Variants in PPP1R9B observed in about 807,000 individuals in gnomAD.
The protein encoded by PPP1R9B is neurabin-2.
Under a neutral mutation model 75.8 loss-of-function variants are expected in PPP1R9B, and 17 were observed. That is an observed-to-expected ratio of 0.22 (90% confidence interval 0.15 to 0.34). The LOEUF (loss-of-function observed/expected upper bound fraction) is 0.34, where lower values mean the gene tolerates loss of function less well. PPP1R9B is among the 10% of genes least tolerant of loss of function. The probability of loss-of-function intolerance (pLI) is 1.00; values close to 1 mark genes in which losing one functional copy is unlikely to be tolerated. For missense variants in PPP1R9B, 875 were observed against 1,196.0 expected, an observed-to-expected ratio of 0.73 and a Z score of 3.96; for synonymous variants, 509 against 535.4, an observed-to-expected ratio of 0.95 and a Z score of 0.68.
rs1054064347 is a variant in PPP1R9B at position 50,135,058 on chromosome 17, CCAGCCCTCGG to C, written c.*263_*272del. 6.3e-5 allele frequency: 33 copies of C among 526,922 alleles called. No individual in the cohort carries two copies. The highest frequency in any genetic ancestry group is 4.2e-4 in the African/African-American group (22 of 52,522). 32.6% of individuals were successfully genotyped at this position (526,922 alleles called of 1,614,324 possible). A position where few individuals can be genotyped will look rare whatever the true frequency, so the allele number is the denominator to read the frequency against. ...GTGCTTGTGTCCGTCGACCACCAGGCCAGCCCTCGGCAGCCCTCGGCCTCTGTGCCTCAGC... is the reference window on the plus strand; with the variant it reads ...GTGCTTGTGTCCGTCGACCACCAGGCCAGCCCTCGGCCTCTGTGCCTCAGC... On this transcript the variant is annotated 3_prime_UTR_variant, in exon 10 of 10. Coordinates refer to ENST00000612501, the MANE Select transcript of PPP1R9B (RefSeq NM_032595.5).
rs1020573237 is a variant in PPP1R9B at position 50,143,738 on chromosome 17, G to A, written c.1505-20C>T. On this transcript the variant is annotated intron_variant, in intron 2 of 9. Transcript: ENST00000612501. ...CGGAGTCTGTGGAACAGAGAGTGGT[G>A]AGATGGCAGGGCTTGTAGGGGACAG... The A allele has an allele frequency of 1.2e-6, 2 of 1,613,456 alleles. No individual in the cohort carries two copies. Among genetic ancestry groups the A allele is most frequent in the Non-Finnish European group, 1.7e-6 (2 of 1,179,850 alleles).
chr17:50,148,364 G>T (rs980272975), intron 1 of PPP1R9B, among the ~76,000 whole-genome samples: 1 of 152,226 alleles, frequency 6.6e-6, no homozygotes, highest in African/African-American at 2.4e-5. Flanking sequence ...AAGAGTAAAG[G>T]CATGCCCACT....
chr17:50,141,819 T>C (rs1347705270), intron 3 of PPP1R9B, among the ~76,000 whole-genome samples: 1 of 152,164 alleles, frequency 6.6e-6, no homozygotes, highest in Non-Finnish European at 1.5e-5. Context: ...GTGTGGGCAG[T>C]GAGAGCCAGG....
Position 50,139,694 on chromosome 17 carries a change from G to A in PPP1R9B, c.1867-113C>T. On this transcript the variant is annotated intron_variant, in intron 5 of 9. Transcript: ENST00000612501. The surrounding 1 kb of genome is among the most constrained non-coding windows in gnomAD (Gnocchi z 5.0). ...AGACAGAGAGCTACCCAGGAATGTG[G>A]TTCATGCCTCCCACTTCAGCCTGAG... is the stretch of plus-strand genomic sequence containing the variant. The A allele has an allele frequency of 8.1e-7, 1 of 1,237,928 alleles. No homozygotes were observed. The highest frequency in any genetic ancestry group is 2.4e-5 in the East Asian group (1 of 42,226). The allele number at this position is 1,237,928 out of a possible 1,614,324, so 76.7% of individuals were successfully genotyped here.
At chr17:50,137,093 C>T (rs1393278665) in intron 7 of PPP1R9B, among the ~76,000 whole-genome samples, 2 of 152,120 alleles carry the variant, frequency 1.3e-5, no homozygotes, top group Non-Finnish European at 2.9e-5. Context: ...GTGTGCTGTC[C>T]CCTCTGCCTG....
At position 50,142,834 on chromosome 17, in the gene PPP1R9B, C is replaced by T. The variant is rs1407625944; in HGVS notation, c.1625+764G>A. ...ACCACAGATGCTCAATACAGGCACA[C>T]ACACTCACATGCGCAAAGACAGCCT... On this transcript the variant is annotated intron_variant, in intron 3 of 9. Coordinates refer to ENST00000612501, the MANE Select transcript of PPP1R9B (RefSeq NM_032595.5). This position sits in a 1 kb window ranked among gnomAD's most constrained non-coding sequence, Gnocchi z 4.1. Among the ~76,000 whole-genome samples the T allele has an allele frequency of 6.6e-6, 1 of 152,190 alleles. No individual in the cohort carries two copies. Among genetic ancestry groups the T allele is most frequent in the Non-Finnish European group, 1.5e-5 (1 of 68,020 alleles).
rs1912634339 is a variant in PPP1R9B at position 50,149,772 on chromosome 17, A to G, written c.742T>C (p.Ser248Pro). 5 of 1,410,014 alleles carry G rather than the reference A, an allele frequency of 3.5e-6. No individual in the cohort carries two copies. The allele number at this position is 1,410,014 out of a possible 1,614,324, so 87.3% of individuals were successfully genotyped here. A position where few individuals can be genotyped will look rare whatever the true frequency, so the allele number is the denominator to read the frequency against. The part of the protein sequence containing the change: ...QVNSKLVSKR[S>P]RVFQPPPPPP... The stretch of plus-strand genomic sequence containing the variant: ...GGCGGCGGGGGCTGGAACACCCGGG[A>G]CCGCTTGCTGACCAGCTTCGAGTTG... Residue 248 changes from serine to proline, a missense_variant, in exon 1 of 10, where the codon TCC becomes CCC. Ser to Pro is a moderately conservative substitution (Grantham distance 74). This residue lies in a region of PPP1R9B where 449 missense variants were observed against 475.0 expected (regional missense o/e 0.95). Coordinates refer to ENST00000612501, the MANE Select transcript of PPP1R9B (RefSeq NM_032595.5). The surrounding 1 kb of genome is among the most constrained non-coding windows in gnomAD (Gnocchi z 7.2).
intron 7 of PPP1R9B, 91 bp from the exon 8 acceptor site, chr17:50,136,288 G>T: frequency 3.7e-6 from 4 of 1,091,936 alleles, no homozygotes; most frequent in Non-Finnish European, 5.2e-6. Flanking sequence ...AGTCGCCAGG[G>T]GATTCCTACC....
At chr17:50,138,090 A>G (rs1567727719) in intron 7 of PPP1R9B, among the ~76,000 whole-genome samples, 1 of 152,258 alleles carries the variant, frequency 6.6e-6, no homozygotes, top group Admixed American at 6.5e-5. Context: ...TGAAGTCTGT[A>G]TATCTGCATG....
At chr17:50,144,735 C>T (rs995143818) in intron 2 of PPP1R9B, among the ~76,000 whole-genome samples, 4 of 152,190 alleles carry the variant, frequency 2.6e-5, no homozygotes, top group African/African-American at 9.7e-5. Context: ...TATTCCAGCG[C>T]CTAAGGGTGA....
Position 50,145,132 on chromosome 17 carries a change from G to C in PPP1R9B, c.1485C>G (p.Phe495Leu). 6.2e-7 allele frequency: 1 copy of C among 1,613,916 alleles called. No individual in the cohort carries two copies. Among genetic ancestry groups the C allele is most frequent in the East Asian group, 2.2e-5 (1 of 44,892 alleles). The change falls in exon 2 of 10, where the codon TTC becomes TTG. Residue 495 changes from phenylalanine (F) to leucine (L), a missense_variant. By Grantham distance (22) the Phe-to-Leu change is conservative. Around this residue, in one of 4 missense-constraint regions of PPP1R9B, gnomAD observed 63 missense variants for 160.2 expected, o/e 0.39. Transcript: ENST00000612501. ...TCTCACCCTTCTCCAGCTCCACAGG[G>C]AACAGCTCCAACCTCTCCACACGCT... ...LEKRVERLEL[F>L]PVELEKDSEG...
Position 50,139,140 on chromosome 17 carries a change from G to A in PPP1R9B, c.2073+123C>T, listed in dbSNP as rs534052263. 23 of 1,069,874 alleles carry A rather than the reference G, an allele frequency of 2.1e-5. No homozygotes were observed. Among genetic ancestry groups the A allele is most frequent in the Non-Finnish European group, 3.0e-5 (21 of 689,674 alleles). The allele number at this position is 1,069,874 out of a possible 1,614,324, so 66.3% of individuals were successfully genotyped here. On this transcript the variant is annotated intron_variant, in intron 7 of 9. Transcript: ENST00000612501. The surrounding 1 kb of genome is among the most constrained non-coding windows in gnomAD (Gnocchi z 5.0). ...GTATCTATCATATCATCTTGCTTTAGAGCAGCTTGTTCTGTGGGTACCTGT... is the reference window on the plus strand; with the variant it reads ...GTATCTATCATATCATCTTGCTTTAAAGCAGCTTGTTCTGTGGGTACCTGT...
At position 50,141,292 on chromosome 17, in the gene PPP1R9B, G is replaced by C. The variant is rs576908550; in HGVS notation, c.1707C>G (p.Leu569=). The change falls in exon 4 of 10, where the codon CTC becomes CTG. Residue 569 remains leucine (L), a synonymous_variant. Transcript: ENST00000612501. ...ACCGCACTCGGCCCTTGGTGTTCCG[G>C]AGCACAGACGCCGCGAAGCTCTGGG... is the stretch of plus-strand genomic sequence containing the variant. ...GVTQSFAASV[L]RNTKGRVRFM... The C allele has an allele frequency of 2.2e-5, 35 of 1,587,456 alleles. No individual in the cohort carries two copies. Among genetic ancestry groups the C allele is most frequent in the Non-Finnish European group, 2.9e-5 (34 of 1,167,834 alleles).
chr17:50,149,672 T>C lies in PPP1R9B; in HGVS notation c.842A>G (p.His281Arg), dbSNP rs950117598. 5.4e-6 allele frequency: 8 copies of C among 1,483,586 alleles called. No individual in the cohort carries two copies. The highest frequency in any genetic ancestry group is 1.4e-5 in the African/African-American group (1 of 69,378). 91.9% of individuals were successfully genotyped at this position (1,483,586 alleles called of 1,614,324 possible). A position where few individuals can be genotyped will look rare whatever the true frequency, so the allele number is the denominator to read the frequency against. The change falls in exon 1 of 10, where the codon CAC (histidine) becomes CGC (arginine). Residue 281 changes from histidine to arginine, a missense_variant. Transcript: ENST00000612501. The surrounding 1 kb of genome is among the most constrained non-coding windows in gnomAD (Gnocchi z 7.2). ...GGGCGGCCGGGCAGGGGCCACTCGGTGCTGCGGGGGCTGCTGCCCTGCGGG... is the reference window on the plus strand; with the variant it reads ...GGGCGGCCGGGCAGGGGCCACTCGGCGCTGCGGGGGCTGCTGCCCTGCGGG... ...RCPAGQQPPQ[H>R]RVAPARPPPK... is the part of the protein sequence containing the mutation.
intron 3 of PPP1R9B, 93 bp downstream of exon 3, chr17:50,143,505 G>C: frequency 6.8e-7 from 1 of 1,479,796 alleles, no homozygotes; most frequent in South Asian, 1.2e-5. Flanking sequence ...CCCAGGGAAG[G>C]CCCGCCCCAC....
Position 50,148,507 on chromosome 17 carries a change from C to A in PPP1R9B, c.1371+636G>T, listed in dbSNP as rs772123592. ...GGACCGGGCAGCTGGCCTGCAGGGA[C>A]CCCCAGGGAACACGGCGCCAGCCAG... On this transcript the variant is annotated intron_variant, in intron 1 of 9. Coordinates refer to ENST00000612501, the MANE Select transcript of PPP1R9B (RefSeq NM_032595.5). Among the ~76,000 whole-genome samples, 3 of 152,252 alleles carry A rather than the reference C, an allele frequency of 2.0e-5. No individual in the cohort carries two copies. In the East Asian group the frequency reaches 5.8e-4, roughly 29 times the overall value.
rs924376768 is a variant in PPP1R9B at position 50,150,014 on chromosome 17, G to A, written c.500C>T (p.Ala167Val). ...GCGCTCCTGCCTCAGCAGCCGCCGC[G>A]CCGCGGCCTCCTTGTCGCCGCCTGC... is the stretch of plus-strand genomic sequence containing the variant. ...AAAGGDKEAA[A>V]RRLLRQERAG... Residue 167 changes from alanine to valine, a missense_variant, in exon 1 of 10, where the codon GCG becomes GTG. Ala to Val is a moderately conservative substitution (Grantham distance 64). Coordinates refer to ENST00000612501, the MANE Select transcript of PPP1R9B (RefSeq NM_032595.5). This position sits in a 1 kb window ranked among gnomAD's most constrained non-coding sequence, Gnocchi z 8.7. 2.0e-6 allele frequency: 3 copies of A among 1,485,828 alleles called. No homozygotes were observed. The highest frequency in any genetic ancestry group is 2.7e-6 in the Non-Finnish European group (3 of 1,127,870). 92.0% of individuals were successfully genotyped at this position (1,485,828 alleles called of 1,614,324 possible). A position where few individuals can be genotyped will look rare whatever the true frequency, so the allele number is the denominator to read the frequency against.
Position 50,139,720 on chromosome 17 carries a change from G to T in PPP1R9B, c.1867-139C>A. The T allele has an allele frequency of 9.9e-7, 1 of 1,013,512 alleles. No homozygotes were observed. The highest frequency in any genetic ancestry group is 1.4e-6 in the Non-Finnish European group (1 of 701,810). 62.8% of individuals were successfully genotyped at this position (1,013,512 alleles called of 1,614,324 possible). Reference sequence around the variant, plus strand: ...TTCATGCCTCCCACTTCAGCCTGAGGCTGGACCAGAGACACGGTTTATGTC... The same window carrying T: ...TTCATGCCTCCCACTTCAGCCTGAGTCTGGACCAGAGACACGGTTTATGTC... On this transcript the variant is annotated intron_variant, in intron 5 of 9. Coordinates refer to ENST00000612501, the MANE Select transcript of PPP1R9B (RefSeq NM_032595.5). This position sits in a 1 kb window ranked among gnomAD's most constrained non-coding sequence, Gnocchi z 5.0.
rs762898216 is a variant in PPP1R9B at position 50,149,581 on chromosome 17, G to C, written c.933C>G (p.Ala311=). The C allele has an allele frequency of 6.3e-7, 1 of 1,575,734 alleles. No homozygotes were observed. The highest frequency in any genetic ancestry group is 8.6e-7 in the Non-Finnish European group (1 of 1,165,112). ...GGATCACCTCCCCGGGCGCCGACTCGGCCTCCGACTCCCCGCTCTCCTCCA... is the reference window on the plus strand; with the variant it reads ...GGATCACCTCCCCGGGCGCCGACTCCGCCTCCGACTCCCCGCTCTCCTCCA... The part of the protein sequence containing the change: ...VEVEESGESE[A]ESAPGEVIQA... Residue 311 remains alanine, a synonymous_variant, in exon 1 of 10, where the codon GCC becomes GCG. Coordinates refer to ENST00000612501, the MANE Select transcript of PPP1R9B (RefSeq NM_032595.5). The surrounding 1 kb of genome is among the most constrained non-coding windows in gnomAD (Gnocchi z 7.2).
Sources: allele counts gnomAD v4.1 joint callset (sites outside exome capture counted in the v4.1 genomes callset), GRCh38; gene constraint gnomAD v4.1.1; regional missense constraint gnomAD v4.1.1; non-coding constraint Gnocchi (gnomAD v3.1); transcripts MANE v1.5; gene names NCBI Gene and HGNC (gene_info 2026-07-23, HGNC 2026-07-21).